The following ASIC2 variants were observed in gnomAD, a reference collection of about 807,000 sequenced individuals.
The protein encoded by ASIC2 is acid-sensing ion channel 2.
ASIC2 carries 25 observed loss-of-function variants against 57.3 expected under a neutral mutation model. The observed-to-expected ratio is 0.44, with a 90% confidence interval of 0.32 to 0.61. The LOEUF (loss-of-function observed/expected upper bound fraction) is 0.61, where lower values mean the gene tolerates loss of function less well. ASIC2 is among the 20% of genes least tolerant of loss of function. The probability of loss-of-function intolerance (pLI) is 0.06; values close to 1 mark genes in which losing one functional copy is unlikely to be tolerated. For missense variants in ASIC2, 641 were observed against 738.1 expected (o/e 0.87, Z 1.52); for synonymous variants, 319 against 307.5 (o/e 1.04, Z -0.39).
chr17:33,479,754 G>T (rs557555064), intron 1 of ASIC2, among the ~76,000 whole-genome samples: 2 of 152,126 alleles, frequency 1.3e-5, no homozygotes, highest in Non-Finnish European at 2.9e-5. Flanking sequence ...CCAGGCCTTC[G>T]CAAGGAGACA....
At chr17:33,940,530 CCCTT>C (rs981573422) in intron 1 of ASIC2, among the ~76,000 whole-genome samples, 25 of 152,110 alleles carry the variant, frequency 1.6e-4, no homozygotes, top group African/African-American at 4.3e-4. Flanking sequence ...CCACATCCAT[CCCTT>C]CCTTCCTTCC....
intron 1 of ASIC2, among the ~76,000 whole-genome samples, chr17:33,205,387 G>A (rs1307120387): frequency 6.6e-6 from 1 of 152,106 alleles, no homozygotes; most frequent in African/African-American, 2.4e-5. Context: ...CTCTTTGGGA[G>A]GACAAAAAGG....
At chr17:33,143,770 C>T (rs533260212) in intron 1 of ASIC2, among the ~76,000 whole-genome samples, 1 of 152,258 alleles carries the variant, frequency 6.6e-6, no homozygotes, top group South Asian at 2.1e-4. Context: ...AAAAATCCAA[C>T]CCTAAGCTAG....
intron 1 of ASIC2, among the ~76,000 whole-genome samples, chr17:34,123,975 G>A (rs1004766100): frequency 6.6e-6 from 1 of 152,216 alleles, no homozygotes; most frequent in Non-Finnish European, 1.5e-5. Context: ...CCAGTTACTC[G>A]AGAGGCTGAC....
intron 1 of ASIC2, among the ~76,000 whole-genome samples, chr17:33,148,679 C>G (rs1044280926): frequency 6.6e-6 from 1 of 152,166 alleles, no homozygotes; most frequent in African/African-American, 2.4e-5. Flanking sequence ...TGTGAGAAAG[C>G]ATTTAGATGG....
intron 1 of ASIC2, chr17:33,792,576 CA>C (rs1417997767): frequency 1.3e-5 from 2 of 151,964 alleles, no homozygotes; most frequent in Non-Finnish European, 2.9e-5. Context: ...ATTTTGAAGC[CA>C]AAATTTGAAA....
chr17:34,067,175 T>TTA (rs747805874), intron 1 of ASIC2, among the ~76,000 whole-genome samples: 2 of 152,214 alleles, frequency 1.3e-5, no homozygotes, highest in African/African-American at 2.4e-5. Context: ...AGTGGAAAAC[T>TTA]AATAAAGGCT....
chr17:33,175,687 G>A (rs965727178), intron 1 of ASIC2, among the ~76,000 whole-genome samples: 11 of 151,976 alleles, frequency 7.2e-5, no homozygotes, highest in South Asian at 2.1e-4. Context: ...CAAGTCCAGC[G>A]GCTGCTGCCT....
chr17:33,355,024 A>G (rs1222438959), intron 1 of ASIC2, among the ~76,000 whole-genome samples: 1 of 152,156 alleles, frequency 6.6e-6, no homozygotes, highest in African/African-American at 2.4e-5. Flanking sequence ...GGAAACAGCA[A>G]GTTGTGTTGT....
rs1310388294 is a variant in ASIC2, at chr17:33,418,024, ATGTATGTG to A, written c.556-305965_556-305958del. On this transcript the variant is annotated intron_variant, in intron 1 of 9. Coordinates refer to the ASIC2 transcript ENST00000359872. ...GGCCCCACTCTGGCTCTCAGCATGT[ATGTATGTG>A]TGTGTGTGTGTGTGTGTGTGTGTGT... 3.7e-4 allele frequency among the ~76,000 whole-genome samples: 41 copies of A among 110,362 alleles called. 1 individual carries two copies. Among genetic ancestry groups the A allele is most frequent in the Non-Finnish European group, 6.2e-4 (29 of 46,462 alleles). The allele number at this position is 110,362 out of a possible 152,430, so 72.4% of individuals were successfully genotyped here.
At chr17:33,105,439 T>A (rs1287455560) in intron 2 of ASIC2, among the ~76,000 whole-genome samples, 1 of 152,172 alleles carries the variant, frequency 6.6e-6, no homozygotes, top group Non-Finnish European at 1.5e-5. Flanking sequence ...GAACTGTGAG[T>A]CCATTAACCT....
chr17:34,102,254 C>T (rs551807103), intron 1 of ASIC2, among the ~76,000 whole-genome samples: 3 of 152,188 alleles, frequency 2.0e-5, no homozygotes, highest in South Asian at 4.2e-4. Flanking sequence ...CGCCTGATCC[C>T]AGGAGGCAGA....
intron 1 of ASIC2, among the ~76,000 whole-genome samples, chr17:34,053,078 A>G (rs1037875079): frequency 6.6e-6 from 1 of 152,044 alleles, no homozygotes; most frequent in African/African-American, 2.4e-5. Context: ...GCTGCTCACC[A>G]CATCCTCTGC....
chr17:33,251,938 C>T (rs1908898740), intron 1 of ASIC2, among the ~76,000 whole-genome samples: 1 of 152,158 alleles, frequency 6.6e-6, no homozygotes, highest in Admixed American at 6.5e-5. Context: ...TTAGCTCCAG[C>T]TTTCCCATCT....
At chr17:33,551,350 C>T (rs1447909419) in intron 1 of ASIC2, among the ~76,000 whole-genome samples, 2 of 152,028 alleles carry the variant, frequency 1.3e-5, no homozygotes, top group African/African-American at 2.4e-5. Context: ...GGTCAGGACG[C>T]TGTTAGGACT....
At chr17:33,803,592 T>TC (rs1912192921) in intron 1 of ASIC2, among the ~76,000 whole-genome samples, 2 of 147,474 alleles carry the variant, frequency 1.4e-5, no homozygotes, top group Admixed American at 6.7e-5. Context: ...TTTTCTTTTT[T>TC]TTTTTTTTTT....
At chr17:33,189,751 A>G (rs1906340286) in intron 1 of ASIC2, among the ~76,000 whole-genome samples, 1 of 152,212 alleles carries the variant, frequency 6.6e-6, no homozygotes, top group Non-Finnish European at 1.5e-5. Context: ...AGATATAATA[A>G]TAATAATAAA....
chr17:33,407,972 C>A (rs1910526408), intron 1 of ASIC2, among the ~76,000 whole-genome samples: 1 of 152,110 alleles, frequency 6.6e-6, no homozygotes, highest in Non-Finnish European at 1.5e-5. Flanking sequence ...CAAATCCTTC[C>A]TGTTCATGGT....
intron 1 of ASIC2, among the ~76,000 whole-genome samples, chr17:33,640,432 C>CA (rs1310990792): frequency 5.3e-5 from 8 of 152,082 alleles, no homozygotes; most frequent in African/African-American, 1.4e-4. Context: ...CATTTCTTTG[C>CA]AAAAAAACCA....
Sources: gnomAD v4.1 joint callset for allele counts (sites outside exome capture counted in the v4.1 genomes callset) on GRCh38, gnomAD v4.1.1 for gene constraint, MANE v1.5 for transcripts, NCBI Gene and HGNC (gene_info 2026-07-23, HGNC 2026-07-21) for gene names.